Variants in CACNA2D3 observed in about 807,000 individuals in gnomAD.
CACNA2D3 encodes the protein calcium voltage-gated channel auxiliary subunit alpha2delta 3, also known as voltage-dependent calcium channel subunit alpha-2/delta-3.
CACNA2D3 carries 60 observed loss-of-function variants against 160.6 expected under a neutral mutation model. The ratio of observed to expected loss-of-function variants is 0.37; its 90% CI spans 0.30 to 0.46. The LOEUF is 0.46. Among genes scored for constraint, CACNA2D3 ranks in the 20% least tolerant of loss-of-function variants. The pLI, the probability that CACNA2D3 is intolerant of heterozygous loss-of-function variation, is 1.00. For missense variants in CACNA2D3, 1,205 were observed against 1,365.0 expected, an observed-to-expected ratio of 0.88 and a Z score of 1.85; for synonymous variants, 558 against 492.9, an observed-to-expected ratio of 1.13 and a Z score of -1.75.
chr3:54,580,659 AAAT>A (rs1331055527), intron 8 of CACNA2D3, among the ~76,000 whole-genome samples: 1 of 152,184 alleles, frequency 6.6e-6, no homozygotes, highest in East Asian at 1.9e-4. Flanking sequence ...TTGCTGCAGA[AAAT>A]AACACCGAAG....
At chr3:54,196,125 A>G (rs771439469) in intron 2 of CACNA2D3, among the ~76,000 whole-genome samples, 2 of 152,218 alleles carry the variant, frequency 1.3e-5, no homozygotes, top group African/African-American at 2.4e-5. Context: ...CTGTTTTGCC[A>G]TGCCTTTCAG....
chr3:54,736,045 A>G (rs1444857321), intron 11 of CACNA2D3, among the ~76,000 whole-genome samples: 1 of 44,362 alleles, frequency 2.3e-5, no homozygotes, highest in Non-Finnish European at 4.9e-5. Context: ...GTATATATAT[A>G]CACATACATA....
intron 2 of CACNA2D3, among the ~76,000 whole-genome samples, chr3:54,206,009 T>G (rs1325324938): frequency 1.3e-5 from 2 of 152,252 alleles, no homozygotes; most frequent in African/African-American, 4.8e-5. Flanking sequence ...CACCCTGTAT[T>G]GGTTGCTTAA....
chr3:54,818,586 C>T (rs1703515101), intron 14 of CACNA2D3, among the ~76,000 whole-genome samples: 1 of 152,230 alleles, frequency 6.6e-6, no homozygotes, highest in Admixed American at 6.5e-5. Flanking sequence ...GCATTCACTT[C>T]TTCTGTCATC....
intron 9 of CACNA2D3, among the ~76,000 whole-genome samples, chr3:54,607,224 T>G (rs1327092798): frequency 6.6e-6 from 1 of 152,166 alleles, no homozygotes; most frequent in Non-Finnish European, 1.5e-5. Flanking sequence ...CATGTTCATG[T>G]CCCTCTAGAT....
intron 4 of CACNA2D3, among the ~76,000 whole-genome samples, chr3:54,402,861 G>A (rs918609929): frequency 6.6e-6 from 1 of 152,142 alleles, no homozygotes; most frequent in African/African-American, 2.4e-5. Flanking sequence ...CATTCTCCAG[G>A]ACGAACCATA....
chr3:54,665,443 G>A (rs1040742882), intron 11 of CACNA2D3, among the ~76,000 whole-genome samples: 7 of 152,116 alleles, frequency 4.6e-5, no homozygotes, highest in Non-Finnish European at 1.0e-4. Context: ...AATGAACAAA[G>A]CTTTATTTAC....
At chr3:54,354,213 G>A (rs921672387) in intron 3 of CACNA2D3, among the ~76,000 whole-genome samples, 2 of 152,118 alleles carry the variant, frequency 1.3e-5, no homozygotes, top group Non-Finnish European at 2.9e-5. Context: ...AGTTATTGGC[G>A]TCAGTGTGCA....
intron 8 of CACNA2D3, among the ~76,000 whole-genome samples, chr3:54,579,390 A>C (rs1400070723): frequency 6.6e-6 from 1 of 152,110 alleles, no homozygotes; most frequent in Non-Finnish European, 1.5e-5. Flanking sequence ...GTAACCTCAT[A>C]GTTGCAAAAT....
intron 11 of CACNA2D3, among the ~76,000 whole-genome samples, chr3:54,678,858 G>A (rs915048491): frequency 2.0e-5 from 3 of 151,774 alleles, no homozygotes; most frequent in Admixed American, 1.3e-4. Flanking sequence ...AAAAACACTG[G>A]CGTTATGATT....
rs148695452 is a variant in CACNA2D3, at chr3:54,470,339, T to G, written c.382-33153T>G. On this transcript the variant is annotated intron_variant, in intron 4 of 37. Coordinates refer to ENST00000474759, the MANE Select transcript of CACNA2D3 (RefSeq NM_018398.3). ...TCATATCCAGCCAAACTAAGCTTCA[T>G]AAGTGAAGGAGAAATAAAATCCTTT... Among the ~76,000 whole-genome samples the G allele has an allele frequency of 1.2e-4, 18 of 152,258 alleles. No homozygotes were observed. In the East Asian group the frequency reaches 2.5e-3, roughly 21 times the overall value.
At chr3:54,712,700 G>A (rs915420745) in intron 11 of CACNA2D3, among the ~76,000 whole-genome samples, 1 of 152,188 alleles carries the variant, frequency 6.6e-6, no homozygotes, top group East Asian at 1.9e-4. Flanking sequence ...AATACAAAGA[G>A]AATGTGTTTT....
chr3:54,866,275 C>G (rs1334539293), intron 17 of CACNA2D3, among the ~76,000 whole-genome samples: 1 of 152,176 alleles, frequency 6.6e-6, no homozygotes. Flanking sequence ...GCCATTGGTC[C>G]TTATCTCTTG....
chr3:55,022,328 C>T (rs191231940), intron 35 of CACNA2D3, among the ~76,000 whole-genome samples: 48 of 152,194 alleles, frequency 3.2e-4, no homozygotes, highest in Admixed American at 9.2e-4. Context: ...TCCCCTTTCC[C>T]TCCATTTTCA....
At chr3:54,593,627 A>G (rs953610983) in intron 9 of CACNA2D3, among the ~76,000 whole-genome samples, 5 of 152,202 alleles carry the variant, frequency 3.3e-5, no homozygotes, top group Non-Finnish European at 7.3e-5. Flanking sequence ...AAAAGAAACT[A>G]TTTTTGTGGG....
At chr3:54,898,064 C>T (rs372930976) in intron 26 of CACNA2D3, among the ~76,000 whole-genome samples, 97 of 151,212 alleles carry the variant, frequency 6.4e-4, no homozygotes, top group African/African-American at 2.2e-3. Flanking sequence ...GTCCGAAGCT[C>T]GCTTGCTTGC....
At chr3:54,197,701 A>G (rs1701106707) in intron 2 of CACNA2D3, among the ~76,000 whole-genome samples, 1 of 152,144 alleles carries the variant, frequency 6.6e-6, no homozygotes, top group Non-Finnish European at 1.5e-5. Context: ...GCTCTTGTGT[A>G]TGAGGGCCTT....
At chr3:54,224,714 A>C (rs1183416923) in intron 2 of CACNA2D3, among the ~76,000 whole-genome samples, 1 of 152,054 alleles carries the variant, frequency 6.6e-6, no homozygotes, top group Non-Finnish European at 1.5e-5. Context: ...TCTTGTTTTA[A>C]ATTCCTATTA....
chr3:54,626,407 G>C, intron 9 of CACNA2D3: 3 of 1,577,912 alleles, frequency 1.9e-6, no homozygotes, highest in Non-Finnish European at 2.6e-6. Flanking sequence ...GGCCAAGAAG[G>C]AGGCGCTGCC....
Sources: allele counts gnomAD v4.1 joint callset (sites outside exome capture counted in the v4.1 genomes callset), GRCh38; gene constraint gnomAD v4.1.1; transcripts MANE v1.5; gene names NCBI Gene and HGNC (gene_info 2026-07-23, HGNC 2026-07-21).